The following CERT1 variants were observed in gnomAD, a reference collection of about 807,000 sequenced individuals.
The protein encoded by CERT1 is ceramide transporter 1.
CERT1 carries 31 observed loss-of-function variants against 87.9 expected under a neutral mutation model. The observed-to-expected ratio is 0.35, with a 90% confidence interval of 0.27 to 0.48. The LOEUF is 0.48. Among genes scored for constraint, CERT1 ranks in the 20% least tolerant of loss-of-function variants. The probability of loss-of-function intolerance (pLI) is 0.99; values close to 1 mark genes in which losing one functional copy is unlikely to be tolerated. For missense variants in CERT1, 487 were observed against 758.0 expected (o/e 0.64, Z 4.20); for synonymous variants, 289 against 250.9 (o/e 1.15, Z -1.44).
intron 12 of CERT1, among the ~76,000 whole-genome samples, chr5:75,387,971 T>C (rs573256015): frequency 6.6e-6 from 1 of 152,268 alleles, no homozygotes; most frequent in East Asian, 1.9e-4. Context: ...TCTTTAGTAC[T>C]TCACTTCCTC....
At chr5:75,504,698 C>G (rs1226183630) in intron 2 of CERT1, among the ~76,000 whole-genome samples, 1 of 151,000 alleles carries the variant, frequency 6.6e-6, no homozygotes, top group Non-Finnish European at 1.5e-5. Context: ...CAGATTTTAA[C>G]TACAACAGCT....
At chr5:75,374,418 G>C, downstream of CERT1, 1 of 542,182 alleles carries the variant, frequency 1.8e-6, no homozygotes, top group Non-Finnish European at 3.3e-6. Flanking sequence ...TCAAAAGTTA[G>C]AAAAAAAAAC....
chr5:75,459,727 G>A (rs1421552392), intron 2 of CERT1, among the ~76,000 whole-genome samples: 3 of 152,074 alleles, frequency 2.0e-5, no homozygotes, highest in Non-Finnish European at 2.9e-5. Context: ...CACTTTGGAA[G>A]GCCAAGGCAG....
intron 2 of CERT1, among the ~76,000 whole-genome samples, chr5:75,488,905 A>G (rs1419778416): frequency 6.6e-6 from 1 of 152,114 alleles, no homozygotes. Context: ...ATAAAGCCTC[A>G]TTAAAGAAAA....
At chr5:75,374,579 C>G, downstream of CERT1, 2 of 706,268 alleles carry the variant, frequency 2.8e-6, no homozygotes, top group Non-Finnish European at 5.2e-6. Context: ...TTAAGAAATT[C>G]GTCATTTGAA....
At chr5:75,475,079 T>C (rs1765899237) in intron 2 of CERT1, among the ~76,000 whole-genome samples, 1 of 152,034 alleles carries the variant, frequency 6.6e-6, no homozygotes, top group African/African-American at 2.4e-5. Context: ...GTAAACAAAG[T>C]TCTGCAAATC....
At chr5:75,373,591 A>G (rs1217533440), downstream of CERT1, 1 of 152,350 alleles carries the variant, frequency 6.6e-6, no homozygotes, top group Admixed American at 6.5e-5. Context: ...ATCACAGGTT[A>G]CTGACAGCCC....
intron 2 of CERT1, among the ~76,000 whole-genome samples, chr5:75,499,308 C>G (rs1767231447): frequency 6.6e-6 from 1 of 152,090 alleles, no homozygotes; most frequent in African/African-American, 2.4e-5. Context: ...TGGGAGGGGC[C>G]AGGGGCAGAA....
chr5:75,495,198 T>C (rs972309254), intron 2 of CERT1, among the ~76,000 whole-genome samples: 4 of 152,238 alleles, frequency 2.6e-5, no homozygotes, highest in African/African-American at 7.2e-5. Flanking sequence ...GGATAATATA[T>C]ATTCTCTAAA....
intron 7 of CERT1, among the ~76,000 whole-genome samples, chr5:75,414,966 C>CT (rs919537963): frequency 1.3e-5 from 2 of 151,906 alleles, no homozygotes. Flanking sequence ...TAAGAATTAC[C>CT]TGAAAGACGT....
intron 6 of CERT1, among the ~76,000 whole-genome samples, 157 bp from the exon 7 acceptor site, chr5:75,417,190 G>A (rs968383018): frequency 6.6e-6 from 1 of 152,108 alleles, no homozygotes; most frequent in African/African-American, 2.4e-5. Context: ...TCCTATCCAA[G>A]CTCTATAAGC....
At chr5:75,510,097 A>C (rs1165694127) in intron 1 of CERT1, among the ~76,000 whole-genome samples, 2 of 152,188 alleles carry the variant, frequency 1.3e-5, no homozygotes, top group East Asian at 3.8e-4. Flanking sequence ...CCAAATATGA[A>C]TACTGGAAAC....
intron 2 of CERT1, among the ~76,000 whole-genome samples, chr5:75,505,038 G>C (rs765352450): frequency 3.9e-5 from 6 of 152,162 alleles, no homozygotes; most frequent in African/African-American, 1.4e-4. Context: ...TGTAATCCCA[G>C]CACTTTGGGA....
chr5:75,466,188 G>A (rs890899774), intron 2 of CERT1, among the ~76,000 whole-genome samples: 1 of 152,078 alleles, frequency 6.6e-6, no homozygotes, highest in Non-Finnish European at 1.5e-5. Flanking sequence ...TGTCAATGTG[G>A]GACATTAGAT....
At chr5:75,381,561 G>A (rs968549617) in intron 15 of CERT1, among the ~76,000 whole-genome samples, 6 of 152,006 alleles carry the variant, frequency 3.9e-5, no homozygotes, top group African/African-American at 1.4e-4. Context: ...TAGAGATGGG[G>A]TCTAACCATG....
At chr5:75,407,900 TAA>T (rs78971933) in intron 8 of CERT1, among the ~76,000 whole-genome samples, 12 of 136,438 alleles carry the variant, frequency 8.8e-5, no homozygotes, top group Admixed American at 2.2e-4. Context: ...TTTATTATGG[TAA>T]AAAAAAAAAA....
chr5:75,379,746 C>T (rs1761485867), intron 16 of CERT1, among the ~76,000 whole-genome samples: 1 of 152,020 alleles, frequency 6.6e-6, no homozygotes, highest in Admixed American at 6.6e-5. Flanking sequence ...CCACCATGCC[C>T]AGCTAATTTT....
intron 3 of CERT1, among the ~76,000 whole-genome samples, chr5:75,441,993 C>T (rs1764341613): frequency 1.3e-5 from 2 of 152,100 alleles, no homozygotes; most frequent in South Asian, 4.1e-4. Flanking sequence ...TTCACACTGG[C>T]TGTACTATTT....
In CERT1 at chr5:75,400,261, A is replaced by G. The variant is rs1185014609; in HGVS notation, c.1054T>C (p.Ser352Pro). Residue 352 changes from serine (S) to proline (P), a missense_variant, in exon 10 of 17, where the codon TCC (serine) becomes CCC (proline). Around this residue, in one of 8 missense-constraint regions of CERT1, gnomAD observed 91 missense variants for 86.7 expected, o/e 1.05. Coordinates refer to ENST00000643780, the MANE Select transcript of CERT1 (RefSeq NM_001379029.1). Reference protein sequence around the residue: ...SEKVRLHWPTSLPSGDAFSSV... With the variant: ...SEKVRLHWPTPLPSGDAFSSV... Reference sequence around the variant, plus strand: ...GAAAAGGCATCTCCAGAGGGCAAGGATGTAGGCCAATGTAATCTCACCTTT... The same window carrying G: ...GAAAAGGCATCTCCAGAGGGCAAGGGTGTAGGCCAATGTAATCTCACCTTT... 6.2e-7 allele frequency: 1 copy of G among 1,613,792 alleles called. No homozygotes were observed.
Sources: gnomAD v4.1 joint callset for allele counts (sites outside exome capture counted in the v4.1 genomes callset) on GRCh38, gnomAD v4.1.1 for gene constraint, gnomAD v4.1.1 regional missense constraint, MANE v1.5 for transcripts, NCBI Gene and HGNC (gene_info 2026-07-23, HGNC 2026-07-21) for gene names.